Variants in CCDC91 observed in about 807,000 individuals in gnomAD.
CCDC91 encodes the protein coiled-coil domain containing 91.
A neutral mutation model predicts 63.2 loss-of-function variants in CCDC91; 48 were observed. That is an observed-to-expected ratio of 0.76 (90% CI 0.60 to 0.97). The LOEUF (loss-of-function observed/expected upper bound fraction) is 0.97, where lower values mean the gene tolerates loss of function less well. Among genes scored for constraint, CCDC91 ranks in the 50% least tolerant of loss-of-function variants. CCDC91 has a pLI of 0.00. For missense variants in CCDC91, 500 were observed against 494.6 expected, an observed-to-expected ratio of 1.01 and a Z score of -0.10; for synonymous variants, 167 against 165.8, an observed-to-expected ratio of 1.01 and a Z score of -0.06.
At chr12:28,239,406 T>G (rs1945181985) in intron 1 of CCDC91, among the ~76,000 whole-genome samples, 1 of 152,090 alleles carries the variant, frequency 6.6e-6, no homozygotes, top group African/African-American at 2.4e-5. Flanking sequence ...TTTTAAAAAT[T>G]GCATGTGATG....
chr12:28,418,577 T>C (rs1947816002), intron 8 of CCDC91, among the ~76,000 whole-genome samples: 1 of 152,134 alleles, frequency 6.6e-6, no homozygotes, highest in Admixed American at 6.6e-5. Context: ...AGCATAGTGC[T>C]GTCCTTTAGA....
intron 8 of CCDC91, among the ~76,000 whole-genome samples, chr12:28,426,194 A>G (rs546435118): frequency 5.3e-5 from 8 of 152,296 alleles, no homozygotes; most frequent in Admixed American, 2.0e-4. Context: ...AACCTCTTCT[A>G]TGAGTTAGAT....
intron 12 of CCDC91, among the ~76,000 whole-genome samples, chr12:28,506,432 C>T (rs1938724967): frequency 6.6e-6 from 1 of 151,974 alleles, no homozygotes; most frequent in Non-Finnish European, 1.5e-5. Context: ...GTTTGGGTCA[C>T]ATGCTTGCCT....
intron 8 of CCDC91, among the ~76,000 whole-genome samples, chr12:28,420,564 C>A (rs542217104): frequency 1.3e-5 from 2 of 152,018 alleles, no homozygotes; most frequent in African/African-American, 4.8e-5. Flanking sequence ...TGTTTGTTTA[C>A]CTCAGTGTTT....
chr12:28,286,949 A>G (rs750028846), intron 3 of CCDC91, among the ~76,000 whole-genome samples: 7 of 151,790 alleles, frequency 4.6e-5, no homozygotes, highest in Non-Finnish European at 7.4e-5. Flanking sequence ...TTTGATTTGC[A>G]TTTCTCTAGT....
At chr12:28,258,502 G>T (rs1197508173) in intron 2 of CCDC91, among the ~76,000 whole-genome samples, 1 of 151,954 alleles carries the variant, frequency 6.6e-6, no homozygotes, top group Admixed American at 6.6e-5. Flanking sequence ...ATAGGTACAG[G>T]TTAACCAGTG....
intron 3 of CCDC91, among the ~76,000 whole-genome samples, chr12:28,279,477 A>G (rs1223711790): frequency 6.6e-6 from 1 of 152,078 alleles, no homozygotes; most frequent in East Asian, 1.9e-4. Flanking sequence ...TTTGATGCAC[A>G]AAACAAATAT....
intron 12 of CCDC91, among the ~76,000 whole-genome samples, chr12:28,516,960 C>G (rs1940018058): frequency 6.6e-6 from 1 of 151,910 alleles, no homozygotes; most frequent in Non-Finnish European, 1.5e-5. Flanking sequence ...GCCCACTAGT[C>G]AGTCATGCAA....
At chr12:28,464,442 C>T (rs1950455361) in intron 11 of CCDC91, among the ~76,000 whole-genome samples, 1 of 152,194 alleles carries the variant, frequency 6.6e-6, no homozygotes, top group African/African-American at 2.4e-5. Flanking sequence ...CTTCCTTCCA[C>T]TTAAGGAGAG....
intron 8 of CCDC91, among the ~76,000 whole-genome samples, chr12:28,424,032 ACT>A (rs1948165115): frequency 6.6e-6 from 1 of 152,002 alleles, no homozygotes; most frequent in Non-Finnish European, 1.5e-5. Flanking sequence ...ATCTTGAGTG[ACT>A]CTCCCACCTC....
chr12:28,461,887 T>C (rs1488137790), intron 11 of CCDC91, among the ~76,000 whole-genome samples: 1 of 152,080 alleles, frequency 6.6e-6, no homozygotes, highest in East Asian at 1.9e-4. Context: ...TTACTACTAT[T>C]ATTATTACCA....
intron 3 of CCDC91, among the ~76,000 whole-genome samples, chr12:28,286,192 A>C (rs2136677534): frequency 6.6e-6 from 1 of 152,238 alleles, no homozygotes; most frequent in Non-Finnish European, 1.5e-5. Flanking sequence ...ACCTTCATAG[A>C]CATTAAAATA....
chr12:28,266,133 A>G (rs1178122694), intron 3 of CCDC91, among the ~76,000 whole-genome samples: 1 of 152,060 alleles, frequency 6.6e-6, no homozygotes, highest in Admixed American at 6.6e-5. Context: ...TACTGTACAT[A>G]TAAATACTAG....
chr12:28,366,225 G>A (rs186681104), intron 7 of CCDC91, among the ~76,000 whole-genome samples: 90 of 152,106 alleles, frequency 5.9e-4, no homozygotes, highest in Admixed American at 2.0e-3. Flanking sequence ...ACAGAAACAG[G>A]CAGACTAGCT....
intron 12 of CCDC91, among the ~76,000 whole-genome samples, chr12:28,537,163 GT>G (rs1259237103): frequency 2.6e-5 from 4 of 151,468 alleles, no homozygotes; most frequent in African/African-American, 7.3e-5. Flanking sequence ...TTTAGGTGCT[GT>G]TTTTTTTCTT....
intron 1 of CCDC91, chr12:28,191,324 G>A (rs1164925153): frequency 3.3e-5 from 5 of 152,272 alleles, no homozygotes; most frequent in Admixed American, 3.3e-4. Flanking sequence ...AGCTGCGCTG[G>A]TGTTTTTTTG....
At chr12:28,202,481 T>C (rs1408342911) in intron 1 of CCDC91, among the ~76,000 whole-genome samples, 1 of 140,358 alleles carries the variant, frequency 7.1e-6, no homozygotes, top group Non-Finnish European at 1.6e-5. Flanking sequence ...ATGTAAACTT[T>C]GTATTCTTTT....
chr12:28,530,722 T>G (rs1941660965), intron 12 of CCDC91, among the ~76,000 whole-genome samples: 1 of 152,118 alleles, frequency 6.6e-6, no homozygotes, highest in African/African-American at 2.4e-5. Flanking sequence ...ATATTTTATT[T>G]GAAGTGCACA....
chr12:28,258,003 TG>T (rs1177374685), intron 2 of CCDC91, among the ~76,000 whole-genome samples: 3 of 151,780 alleles, frequency 2.0e-5, no homozygotes, highest in African/African-American at 4.8e-5. Flanking sequence ...AACCAGGGAT[TG>T]TAATTAATGA....
Sources: gnomAD v4.1 joint callset for allele counts (sites outside exome capture counted in the v4.1 genomes callset) on GRCh38, gnomAD v4.1.1 for gene constraint, MANE v1.5 for transcripts, NCBI Gene and HGNC (gene_info 2026-07-23, HGNC 2026-07-21) for gene names.